Variants in FHIT observed in about 807,000 individuals in gnomAD.
The protein encoded by FHIT is bis(5'-adenosyl)-triphosphatase.
Under a neutral mutation model 17.9 loss-of-function variants are expected in FHIT, and 19 were observed. That is an observed-to-expected ratio of 1.06 (90% CI 0.74 to 1.56). FHIT has a LOEUF of 1.56. Among genes scored for constraint, FHIT ranks in the 40% most tolerant of loss-of-function variants. The pLI, the probability that FHIT is intolerant of heterozygous loss-of-function variation, is 0.00. For missense variants in FHIT, 248 were observed against 189.2 expected (o/e 1.31, Z -1.82); for synonymous variants, 81 against 69.7 (o/e 1.16, Z -0.81).
At chr3:59,870,268 C>T (rs923141) in intron 8 of FHIT, among the ~76,000 whole-genome samples, 50,719 of 151,966 alleles carry the variant, frequency 0.33, 9,485 homozygotes, top group East Asian at 0.59. Flanking sequence ...ACTTTTCACT[C>T]GGAATATAAG....
At chr3:59,930,359 A>C (rs1304351464) in intron 7 of FHIT, among the ~76,000 whole-genome samples, 1 of 152,188 alleles carries the variant, frequency 6.6e-6, no homozygotes, top group African/African-American at 2.4e-5. Flanking sequence ...GTGCTGTCTC[A>C]TTTCTGACAC....
Position 61,105,780 on chromosome 3 carries a change from T to A in FHIT, c.-163-63681A>T, listed in dbSNP as rs146846767. 3.7e-3 allele frequency among the ~76,000 whole-genome samples: 562 copies of A among 152,316 alleles called. 4 individuals are homozygous for A. Among genetic ancestry groups the A allele is most frequent in the African/African-American group, 0.013 (526 of 41,572 alleles). On this transcript the variant is annotated intron_variant, in intron 2 of 9. Coordinates refer to ENST00000492590, the MANE Select transcript of FHIT (RefSeq NM_002012.4). ...CCTATCAACATAATTTGGGAAAAGT[T>A]ATTTGTGCAGAAAAGGTCTGGTTCT...
intron 5 of FHIT, among the ~76,000 whole-genome samples, chr3:60,052,684 C>T (rs1343537015): frequency 6.6e-6 from 1 of 150,988 alleles, no homozygotes; most frequent in Non-Finnish European, 1.5e-5. Flanking sequence ...CACTGTACTG[C>T]CACATTTAAA....
chr3:61,247,286 A>T (rs537424746), intron 1 of FHIT, among the ~76,000 whole-genome samples: 2 of 152,006 alleles, frequency 1.3e-5, no homozygotes, highest in East Asian at 3.9e-4. Flanking sequence ...CTTTTCAGTA[A>T]CTCACCTCCT....
Position 60,341,786 on chromosome 3 carries a change from G to A in FHIT, c.103+195074C>T, listed in dbSNP as rs138565575. Among the ~76,000 whole-genome samples the A allele has an allele frequency of 3.5e-3, 527 of 152,194 alleles. 2 individuals are homozygous for A. Among genetic ancestry groups the A allele is most frequent in the African/African-American group, 0.012 (495 of 41,516 alleles). ...TTTGTGTCTTCATGGGTATTTTAGTGCGAGGTAACCAAAGGCTGTGTGTAA... is the reference window on the plus strand; with the variant it reads ...TTTGTGTCTTCATGGGTATTTTAGTACGAGGTAACCAAAGGCTGTGTGTAA... On this transcript the variant is annotated intron_variant, in intron 5 of 9. Coordinates refer to ENST00000492590, the MANE Select transcript of FHIT (RefSeq NM_002012.4).
intron 5 of FHIT, among the ~76,000 whole-genome samples, chr3:60,449,723 T>A (rs1235015931): frequency 6.6e-6 from 1 of 151,802 alleles, no homozygotes; most frequent in Non-Finnish European, 1.5e-5. Flanking sequence ...GCACAAAAGG[T>A]AGCTGGCGTG....
At chr3:60,578,370 G>C (rs1167707948) in intron 4 of FHIT, among the ~76,000 whole-genome samples, 1 of 151,360 alleles carries the variant, frequency 6.6e-6, no homozygotes, top group African/African-American at 2.4e-5. Context: ...CTGGGAGGCA[G>C]AGGTTGCAGT....
intron 7 of FHIT, among the ~76,000 whole-genome samples, chr3:59,982,114 C>T (rs558494327): frequency 4.6e-5 from 7 of 152,258 alleles, no homozygotes; most frequent in South Asian, 2.1e-4. Flanking sequence ...GAGCTCTTCG[C>T]GTTACATTAG....
At chr3:61,118,749 T>C (rs1576047525) in intron 2 of FHIT, among the ~76,000 whole-genome samples, 1 of 152,162 alleles carries the variant, frequency 6.6e-6, no homozygotes, top group Non-Finnish European at 1.5e-5. Flanking sequence ...TTGTAAGAAT[T>C]GAATGTAAAG....
At chr3:60,463,502 A>G (rs150108609) in intron 5 of FHIT, among the ~76,000 whole-genome samples, 6 of 152,134 alleles carry the variant, frequency 3.9e-5, no homozygotes, top group African/African-American at 1.4e-4. Flanking sequence ...CTAAATATAC[A>G]CATTACTCCT....
At chr3:60,631,893 A>C (rs1553682523) in intron 4 of FHIT, among the ~76,000 whole-genome samples, 1 of 152,154 alleles carries the variant, frequency 6.6e-6, no homozygotes, top group African/African-American at 2.4e-5. Context: ...AAACATGAAA[A>C]AAAGAGTTAG....
intron 5 of FHIT, among the ~76,000 whole-genome samples, chr3:60,202,790 G>C (rs531293835): frequency 6.6e-6 from 1 of 152,208 alleles, no homozygotes; most frequent in African/African-American, 2.4e-5. Context: ...TGTATGCTCT[G>C]TCTTCGTGCA....
intron 4 of FHIT, among the ~76,000 whole-genome samples, chr3:60,591,915 G>A (rs1383827629): frequency 2.0e-5 from 3 of 151,804 alleles, no homozygotes; most frequent in Non-Finnish European, 4.4e-5. Flanking sequence ...CATTTACCCC[G>A]ACCATACCAA....
rs560017264 is a variant in FHIT at position 60,381,323 on chromosome 3, C to T, written c.103+155537G>A. On this transcript the variant is annotated intron_variant, in intron 5 of 9. Coordinates refer to ENST00000492590, the MANE Select transcript of FHIT (RefSeq NM_002012.4). ...TGAAACCCTATCTCTACTAAAAATA[C>T]AAAAGTTAGCTGGGCATGGTGGTGG... 9.3e-4 allele frequency among the ~76,000 whole-genome samples: 142 copies of T among 151,876 alleles called. 1 individual carries two copies. Among genetic ancestry groups the T allele is most frequent in the African/African-American group, 3.1e-3 (130 of 41,420 alleles).
Position 59,781,461 on chromosome 3 carries a change from G to C in FHIT, c.349-29140C>G, listed in dbSNP as rs561079390. ...ATTTCACCTTTAAGCAACTCCTAAG[G>C]CTTCCAGGAGAATTTTGTTTGACCT... On this transcript the variant is annotated intron_variant, in intron 8 of 9. Transcript: ENST00000492590. Among the ~76,000 whole-genome samples the C allele has an allele frequency of 2.0e-5, 3 of 152,224 alleles. No individual in the cohort carries two copies. In the South Asian group the frequency reaches 6.2e-4, roughly 32 times the overall value.
At position 60,526,143 on chromosome 3, in the gene FHIT, C is replaced by CACACACACAT. The variant is rs1346053678; in HGVS notation, c.103+10716_103+10717insATGTGTGTGT. ...AAATGAAACACACAACACATACACACACACACACACACACACACACAAACA... is the reference window on the plus strand; with the variant it reads ...AAATGAAACACACAACACATACACACACACACACATACACACACACACACACACACAAACA... On this transcript the variant is annotated intron_variant, in intron 5 of 9. Transcript: ENST00000492590. 2.5e-3 allele frequency among the ~76,000 whole-genome samples: 371 copies of CACACACACAT among 150,930 alleles called. 1 individual carries two copies. Among genetic ancestry groups the CACACACACAT allele is most frequent in the African/African-American group, 8.2e-3 (336 of 41,146 alleles).
chr3:60,716,144 T>C (rs2041677823), intron 4 of FHIT, among the ~76,000 whole-genome samples: 1 of 152,094 alleles, frequency 6.6e-6, no homozygotes, highest in Non-Finnish European at 1.5e-5. Flanking sequence ...CTCGGGAGGC[T>C]GAGGCAGGAG....
At chr3:60,359,252 T>A (rs1026303792) in intron 5 of FHIT, among the ~76,000 whole-genome samples, 3 of 151,788 alleles carry the variant, frequency 2.0e-5, no homozygotes, top group African/African-American at 7.3e-5. Context: ...TTCCAAAATA[T>A]ATTATTACTT....
At chr3:59,884,327 G>C (rs1489121948) in intron 8 of FHIT, among the ~76,000 whole-genome samples, 4 of 152,124 alleles carry the variant, frequency 2.6e-5, no homozygotes, top group Non-Finnish European at 4.4e-5. Flanking sequence ...TCAGATGTAT[G>C]AGGGTATGTG....
Sources: gnomAD v4.1 joint callset for allele counts (sites outside exome capture counted in the v4.1 genomes callset) on GRCh38, gnomAD v4.1.1 for gene constraint, MANE v1.5 for transcripts, NCBI Gene and HGNC (gene_info 2026-07-23, HGNC 2026-07-21) for gene names.